NAALADL1: variants seen among roughly 807,000 people sequenced by gnomAD.
NAALADL1 encodes the protein aminopeptidase NAALADL1.
Under a neutral mutation model 82.8 loss-of-function variants are expected in NAALADL1, and 77 were observed. The ratio of observed to expected loss-of-function variants is 0.93; its 90% CI spans 0.77 to 1.12. The LOEUF is 1.12. Ranked by LOEUF, NAALADL1 falls within the 50% of genes most tolerant of loss-of-function variation. The probability of loss-of-function intolerance (pLI) is 0.00; values close to 1 mark genes in which losing one functional copy is unlikely to be tolerated. For synonymous variants in NAALADL1, 358 were observed against 399.2 expected, an observed-to-expected ratio of 0.90 and a Z score of 1.23; for missense variants, 956 against 964.0, an observed-to-expected ratio of 0.99 and a Z score of 0.11.
chr11:65,054,255 T>C lies in NAALADL1; in HGVS notation c.987A>G (p.Ala329=). Residue 329 remains alanine (A), a synonymous_variant, in exon 6 of 18, where the codon GCA becomes GCG. Transcript: ENST00000358658. This position sits in a 1 kb window ranked among gnomAD's most constrained non-coding sequence, Gnocchi z 4.3. ...CTGGTCTGGCTGCATCTCACCTGTC[T>C]GCTGGGAAGTCTCCGTCAGGCCGGA... ...PGFRPDGDFP[A]DSQVNVSVYN... 1.2e-6 allele frequency: 2 copies of C among 1,613,790 alleles called. No individual in the cohort carries two copies. Among genetic ancestry groups the C allele is most frequent in the South Asian group, 1.1e-5 (1 of 91,044 alleles).
chr11:65,052,082 C>G (rs1182518642), intron 8 of NAALADL1, among the ~76,000 whole-genome samples: 1 of 152,152 alleles, frequency 6.6e-6, no homozygotes, highest in East Asian at 1.9e-4. Context: ...CATCTTCCTT[C>G]TAGATCTGTC....
At position 65,054,839 on chromosome 11, in the gene NAALADL1, A is replaced by G. The variant is rs1946994998; in HGVS notation, c.604-101T>C. ...CGACTGTGGAAGCCAGGATAGACCAATCTTCCATGGGCAAGATGACGTTTG... is the reference window on the plus strand; with the variant it reads ...CGACTGTGGAAGCCAGGATAGACCAGTCTTCCATGGGCAAGATGACGTTTG... On this transcript the variant is annotated intron_variant, in intron 4 of 17. Transcript: ENST00000358658. This position sits in a 1 kb window ranked among gnomAD's most constrained non-coding sequence, Gnocchi z 4.3. 3 of 1,421,560 alleles carry G rather than the reference A, an allele frequency of 2.1e-6. No individual in the cohort carries two copies. The highest frequency in any genetic ancestry group is 2.3e-5 in the Admixed American group (1 of 44,014). The allele number at this position is 1,421,560 out of a possible 1,614,324, so 88.1% of individuals were successfully genotyped here.
chr11:65,045,488 C>G lies in NAALADL1; in HGVS notation c.2037-31G>C, dbSNP rs1437966530. 1.9e-6 allele frequency: 3 copies of G among 1,565,890 alleles called. No individual in the cohort carries two copies. The African/African-American group carries it at 4.1e-5, about 21-fold the overall frequency. On this transcript the variant is annotated intron_variant, in intron 17 of 17. Coordinates refer to ENST00000358658, the MANE Select transcript of NAALADL1 (RefSeq NM_005468.3). ...AAGAGAAATGGGACAGGATCAGGGTCAGTCAGTCAGGGGCCAGGAAAGAGA... is the reference window on the plus strand; with the variant it reads ...AAGAGAAATGGGACAGGATCAGGGTGAGTCAGTCAGGGGCCAGGAAAGAGA...
At chr11:65,060,430 G>A (rs1947166974), upstream of NAALADL1, among the ~76,000 whole-genome samples, 1 of 152,096 alleles carries the variant, frequency 6.6e-6, no homozygotes, top group Non-Finnish European at 1.5e-5. Flanking sequence ...CCTTCCTTAT[G>A]AGGACACAGG....
upstream of NAALADL1, among the ~76,000 whole-genome samples, chr11:65,060,263 A>G (rs149089087): frequency 9.9e-5 from 15 of 152,238 alleles, no homozygotes; most frequent in Non-Finnish European, 2.2e-4. Context: ...GAGGAGGTTC[A>G]GCATGGGAGG....
At chr11:65,059,760 A>G (rs1292013247), upstream of NAALADL1, among the ~76,000 whole-genome samples, 1 of 152,228 alleles carries the variant, frequency 6.6e-6, no homozygotes, top group Non-Finnish European at 1.5e-5. Context: ...GGCGAGGCAG[A>G]CAGGCTTTAG....
At chr11:65,059,010 C>T (rs1473400731), upstream of NAALADL1, among the ~76,000 whole-genome samples, 1 of 151,836 alleles carries the variant, frequency 6.6e-6, no homozygotes, top group Non-Finnish European at 1.5e-5. Flanking sequence ...TTCTCTACAC[C>T]TGTTTTCTTT....
Position 65,058,501 on chromosome 11 carries a change from C to T in NAALADL1, c.21G>A (p.Leu7=), listed in dbSNP as rs1947112868. 1 of 1,605,220 alleles carries T rather than the reference C, an allele frequency of 6.2e-7. No individual in the cohort carries two copies. The highest frequency in any genetic ancestry group is 8.5e-7 in the Non-Finnish European group (1 of 1,175,838). MQWTKV[L]GLGLGAAALL... ...GGGCAGCAGCCCCCAGCCCCAGCCC[C>T]AACACCTTCGTCCACTGCATCCTGC... Residue 7 remains leucine, a synonymous_variant, in exon 1 of 18, where the codon TTG becomes TTA. Coordinates refer to ENST00000358658, the MANE Select transcript of NAALADL1 (RefSeq NM_005468.3).
At position 65,054,205 on chromosome 11, in the gene NAALADL1, G is replaced by A; in HGVS notation, c.992+45C>T. The A allele has an allele frequency of 1.3e-6, 2 of 1,523,750 alleles. No homozygotes were observed. The highest frequency in any genetic ancestry group is 1.8e-6 in the Non-Finnish European group (2 of 1,105,730). The allele number at this position is 1,523,750 out of a possible 1,614,324, so 94.4% of individuals were successfully genotyped here. ...CACAAGGGAAGGGGAGAGGCGAGTT[G>A]GGGGAGAGGGCAACTGAGGGAGACC... On this transcript the variant is annotated intron_variant, in intron 6 of 17. Coordinates refer to ENST00000358658, the MANE Select transcript of NAALADL1 (RefSeq NM_005468.3). The surrounding 1 kb of genome is among the most constrained non-coding windows in gnomAD (Gnocchi z 4.3).
chr11:65,057,505 A>AG lies in NAALADL1; in HGVS notation c.481-13dup. 2 of 1,611,040 alleles carry AG rather than the reference A, an allele frequency of 1.2e-6. No individual in the cohort carries two copies. The highest frequency in any genetic ancestry group is 1.7e-6 in the Non-Finnish European group (2 of 1,178,408). On this transcript the variant is annotated splice_polypyrimidine_tract_variant and intron_variant, in intron 3 of 17. Transcript: ENST00000358658. ...TAGACGAGGAGGCCCTAGTCCCAAG[A>AG]GGGGGTGATCCTTAGAGCTGGGCCC...
rs1946769489 is a variant in NAALADL1 at position 65,047,676 on chromosome 11, G to A, written c.1479C>T (p.Arg493=). ...IYDNWIRYFN[R]SSPVYGLVPS... ...GGACCAGGCCGTACACCGGGCTGCTGCGGTTGAAGTACCGGATCCAGTTGT... is the reference window on the plus strand; with the variant it reads ...GGACCAGGCCGTACACCGGGCTGCTACGGTTGAAGTACCGGATCCAGTTGT... The change falls in exon 12 of 18, where the codon CGC becomes CGT. Residue 493 remains arginine (R), a synonymous_variant. Transcript: ENST00000358658. The A allele has an allele frequency of 1.2e-6, 2 of 1,607,722 alleles. No individual in the cohort carries two copies. Among genetic ancestry groups the A allele is most frequent in the African/African-American group, 2.7e-5 (2 of 74,880 alleles).
Position 65,045,336 on chromosome 11 carries a change from G to T in NAALADL1, c.2158C>A (p.Leu720Ile). 1 of 1,610,458 alleles carries T rather than the reference G, an allele frequency of 6.2e-7. No individual in the cohort carries two copies. Among genetic ancestry groups the T allele is most frequent in the South Asian group, 1.1e-5 (1 of 90,290 alleles). The change falls in exon 18 of 18, where the codon CTC becomes ATC. Residue 720 changes from leucine to isoleucine, a missense_variant. Transcript: ENST00000358658. ...TCCAGGGCTGTCACCACAATGCTGAGCTGTCTCTGGACCTCAGCCCAAGCT... is the reference window on the plus strand; with the variant it reads ...TCCAGGGCTGTCACCACAATGCTGATCTGTCTCTGGACCTCAGCCCAAGCT... ...SEAWAEVQRQ[L>I]SIVVTALEGA...
In NAALADL1 at chr11:65,045,310, C is replaced by T. The variant is rs367818682; in HGVS notation, c.2184G>A (p.Glu728=). The T allele has an allele frequency of 3.4e-4, 542 of 1,610,826 alleles. No homozygotes were observed. The highest frequency in any genetic ancestry group is 4.5e-4 in the Non-Finnish European group (529 of 1,178,550). ...RQLSIVVTAL[E]GAAATLRPVA... is the part of the protein sequence containing the mutation. ...CAGGCCTCAGGGTGGCTGCCGCACC[C>T]TCCAGGGCTGTCACCACAATGCTGA... Residue 728 remains glutamate, a synonymous_variant, in exon 18 of 18, where the codon GAG becomes GAA. Coordinates refer to ENST00000358658, the MANE Select transcript of NAALADL1 (RefSeq NM_005468.3).
chr11:65,045,401 T>C lies in NAALADL1; in HGVS notation c.2093A>G (p.Asn698Ser). The C allele has an allele frequency of 6.2e-7, 1 of 1,613,214 alleles. No homozygotes were observed. Among genetic ancestry groups the C allele is most frequent in the Non-Finnish European group, 8.5e-7 (1 of 1,179,850 alleles). Reference sequence around the variant, plus strand: ...TGTGTCCCTGGCCCTGGAGCAGGCATTGGATAGGCCCGGGAATGTGACTAC... The same window carrying C: ...TGTGTCCCTGGCCCTGGAGCAGGCACTGGATAGGCCCGGGAATGTGACTAC... ...GSVVTFPGLSNACSRARDTAS... is the reference protein window; with the variant it reads ...GSVVTFPGLSSACSRARDTAS... Residue 698 changes from asparagine to serine, a missense_variant, in exon 18 of 18, where the codon AAT becomes AGT. Physicochemically the swap from Asn to Ser is conservative, Grantham distance 46. Coordinates refer to ENST00000358658, the MANE Select transcript of NAALADL1 (RefSeq NM_005468.3).
At chr11:65,061,116 T>G (rs141486616), upstream of NAALADL1, among the ~76,000 whole-genome samples, 21 of 152,328 alleles carry the variant, frequency 1.4e-4, no homozygotes, top group Non-Finnish European at 2.2e-4. Flanking sequence ...ACTTTCTGCT[T>G]CTTCTGCGCC....
chr11:65,045,482 C>A (rs1399099496), intron 17 of NAALADL1, 25 bp from the exon 18 acceptor site: 1 of 1,572,776 alleles, frequency 6.4e-7, no homozygotes, highest in Non-Finnish European at 8.6e-7. Flanking sequence ...GGGACAGGAT[C>A]AGGGTCAGTC....
intron 17 of NAALADL1, 85 bp downstream of exon 17, chr11:65,045,737 G>A: frequency 7.4e-7 from 1 of 1,349,606 alleles, no homozygotes; most frequent in South Asian, 1.2e-5. Flanking sequence ...CTAAAGGGCA[G>A]AGAAGCTGAC....
intron 16 of NAALADL1, 30 bp from the exon 17 acceptor site, chr11:65,045,944 C>T (rs762488897): frequency 1.9e-6 from 3 of 1,612,666 alleles, no homozygotes; most frequent in East Asian, 2.2e-5. Context: ...TGCCAGTCAC[C>T]CTGGAGCCAG....
upstream of NAALADL1, among the ~76,000 whole-genome samples, chr11:65,059,565 C>G (rs1947138982): frequency 6.6e-6 from 1 of 152,180 alleles, no homozygotes; most frequent in Non-Finnish European, 1.5e-5. Flanking sequence ...AAGCCCATGC[C>G]TCCCTGGCGA....
Sources: allele counts gnomAD v4.1 joint callset (sites outside exome capture counted in the v4.1 genomes callset), GRCh38; gene constraint gnomAD v4.1.1; non-coding constraint Gnocchi (gnomAD v3.1); transcripts MANE v1.5; gene names NCBI Gene and HGNC (gene_info 2026-07-23, HGNC 2026-07-21).